The following INSC variants were observed in gnomAD, a reference collection of about 807,000 sequenced individuals.
The protein encoded by INSC is protein inscuteable homolog.
In INSC, 67 loss-of-function variants were observed where a neutral mutation model predicts 58.6. The ratio of observed to expected loss-of-function variants is 1.14; its 90% CI spans 0.94 to 1.40. The LOEUF (loss-of-function observed/expected upper bound fraction) is 1.40. INSC is among the 40% of genes most tolerant of loss of function. The pLI is 0.00. For synonymous variants in INSC, 262 were observed against 276.1 expected, an observed-to-expected ratio of 0.95 and a Z score of 0.51; for missense variants, 714 against 692.0, an observed-to-expected ratio of 1.03 and a Z score of -0.36.
chr11:15,227,920 G>A (rs1464559420), intron 9 of INSC, among the ~76,000 whole-genome samples: 2 of 152,148 alleles, frequency 1.3e-5, no homozygotes, highest in Non-Finnish European at 2.9e-5. Flanking sequence ...AATAAGACAA[G>A]GAATTTTGGA....
chr11:15,227,921 G>T (rs1252442131), intron 9 of INSC, among the ~76,000 whole-genome samples: 1 of 152,156 alleles, frequency 6.6e-6, no homozygotes, highest in East Asian at 1.9e-4. Flanking sequence ...ATAAGACAAG[G>T]AATTTTGGAT....
intron 9 of INSC, among the ~76,000 whole-genome samples, chr11:15,231,637 A>G (rs926960940): frequency 9.2e-5 from 14 of 152,252 alleles, no homozygotes; most frequent in African/African-American, 3.4e-4. Context: ...TCTGGCAATT[A>G]AAGAATAATT....
At chr11:15,225,874 G>T (rs1353402354) in intron 9 of INSC, 46 bp downstream of exon 9, 86 of 1,573,050 alleles carry the variant, frequency 5.5e-5, no homozygotes, top group Non-Finnish European at 7.3e-5. Flanking sequence ...TAGCCATGGA[G>T]ACAGAAGTTA....
the INSC span, among the ~76,000 whole-genome samples, chr11:15,267,577 G>A: frequency 1.3e-5 from 2 of 151,860 alleles, no homozygotes; most frequent in African/African-American, 2.4e-5. Context: ...ATCTCTAGAT[G>A]TTCAATTTGG....
intron 7 of INSC, among the ~76,000 whole-genome samples, chr11:15,212,072 G>A (rs949562134): frequency 3.3e-5 from 5 of 151,920 alleles, no homozygotes; most frequent in Non-Finnish European, 7.4e-5. Flanking sequence ...AAATGATTGG[G>A]GTTTTTAAAA....
intron 2 of INSC, among the ~76,000 whole-genome samples, chr11:15,163,702 C>G (rs1028389710): frequency 2.0e-5 from 3 of 152,076 alleles, no homozygotes; most frequent in Non-Finnish European, 4.4e-5. Context: ...CAAGCGATTC[C>G]CCTGCCTCAG....
chr11:15,243,347 G>C (rs1590019520), intron 12 of INSC, among the ~76,000 whole-genome samples: 1 of 152,198 alleles, frequency 6.6e-6, no homozygotes, highest in African/African-American at 2.4e-5. Context: ...TGTCTCCCCT[G>C]TCTGGGAAAG....
At chr11:15,236,104 C>A (rs886858327) in intron 10 of INSC, among the ~76,000 whole-genome samples, 2 of 150,756 alleles carry the variant, frequency 1.3e-5, no homozygotes, top group Non-Finnish European at 1.5e-5. Flanking sequence ...CCATGCTTGC[C>A]TGAGCATATA....
At chr11:15,151,504 G>T (rs1028960139) in intron 2 of INSC, among the ~76,000 whole-genome samples, 4 of 152,160 alleles carry the variant, frequency 2.6e-5, no homozygotes, top group Non-Finnish European at 4.4e-5. Flanking sequence ...GGAAGTGAAG[G>T]GGGTCAGAGA....
Position 15,190,725 on chromosome 11 carries a change from T to A in INSC, c.604T>A (p.Ser202Thr). 1 of 1,613,278 alleles carries A rather than the reference T, an allele frequency of 6.2e-7. No homozygotes were observed. ...GGCACTGGTGAGAAAAATTGATGCC[T>A]CAGACAATATCTACACCACAGAGTC... ...VQALVRKIDA[S>T]DNIYTTESTT... Residue 202 changes from serine to threonine, a missense_variant, in exon 6 of 13, where the codon TCA (serine) becomes ACA (threonine). Ser to Thr is a moderately conservative substitution (Grantham distance 58). Coordinates refer to ENST00000379556, the MANE Select transcript of INSC (RefSeq NM_001042536.3).
chr11:15,132,005 T>C (rs1030698487), intron 1 of INSC, among the ~76,000 whole-genome samples: 7 of 152,134 alleles, frequency 4.6e-5, no homozygotes, highest in African/African-American at 7.2e-5. Context: ...CTTTCTTTGT[T>C]TGGATTAATT....
At chr11:15,213,491 T>C (rs933465502) in intron 7 of INSC, among the ~76,000 whole-genome samples, 5 of 152,222 alleles carry the variant, frequency 3.3e-5, no homozygotes, top group African/African-American at 9.7e-5. Context: ...TATTTTCTTA[T>C]CAGCACATGC....
intron 6 of INSC, among the ~76,000 whole-genome samples, chr11:15,197,223 A>C (rs1171785370): frequency 1.3e-5 from 2 of 152,200 alleles, no homozygotes; most frequent in Admixed American, 1.3e-4. Context: ...TCTTAATCTC[A>C]ACCTTCTGAT....
chr11:15,124,501 C>T (rs1454626999), intron 1 of INSC, among the ~76,000 whole-genome samples: 1 of 152,158 alleles, frequency 6.6e-6, no homozygotes, highest in Admixed American at 6.5e-5. Context: ...AGGAACACAG[C>T]TCCCCATGAG....
intron 1 of INSC, 60 bp downstream of exon 1, chr11:15,115,063 T>G: frequency 1.0e-6 from 1 of 958,826 alleles, no homozygotes; most frequent in Non-Finnish European, 1.2e-6. Context: ...GCTAGCCTAG[T>G]TGGGAACAGT....
In INSC at chr11:15,158,255, C is replaced by T. The variant is rs560606864; in HGVS notation, c.56+9025C>T. Among the ~76,000 whole-genome samples the T allele has an allele frequency of 1.6e-4, 25 of 151,688 alleles. No individual in the cohort carries two copies. In the South Asian group the frequency reaches 5.2e-3, roughly 32 times the overall value. On this transcript the variant is annotated intron_variant, in intron 2 of 12. Coordinates refer to ENST00000379556, the MANE Select transcript of INSC (RefSeq NM_001042536.3). ...AATGCTTTTCGTGGCTCCAAGTTGT[C>T]TTTGGGATTAAATCTACATCCCTGA...
chr11:15,146,548 C>T (rs548267694), intron 1 of INSC, among the ~76,000 whole-genome samples: 1 of 152,230 alleles, frequency 6.6e-6, no homozygotes, highest in East Asian at 1.9e-4. Context: ...AGCTATGGGT[C>T]AAAAAGATGA....
At chr11:15,260,257 T>C in the INSC span, among the ~76,000 whole-genome samples, 2 of 152,140 alleles carry the variant, frequency 1.3e-5, no homozygotes, top group Non-Finnish European at 2.9e-5. Flanking sequence ...TGGCTGTAAA[T>C]GTCATCTGGG....
chr11:15,142,306 A>G (rs926214380), intron 1 of INSC, among the ~76,000 whole-genome samples: 3 of 152,188 alleles, frequency 2.0e-5, no homozygotes, highest in Non-Finnish European at 4.4e-5. Flanking sequence ...AGTTTCCTAT[A>G]AACTCCACCA....
Sources: gnomAD v4.1 joint callset for allele counts (sites outside exome capture counted in the v4.1 genomes callset) on GRCh38, gnomAD v4.1.1 for gene constraint, MANE v1.5 for transcripts, NCBI Gene and HGNC (gene_info 2026-07-23, HGNC 2026-07-21) for gene names.